PRKCQ: variants seen among roughly 807,000 people sequenced by gnomAD.
The protein encoded by PRKCQ is protein kinase C theta type.
A neutral mutation model predicts 91.2 loss-of-function variants in PRKCQ; 41 were observed. That is an observed-to-expected ratio of 0.45 (90% CI 0.35 to 0.58). The LOEUF (loss-of-function observed/expected upper bound fraction) is 0.58, where lower values mean the gene tolerates loss of function less well. Among genes scored for constraint, PRKCQ ranks in the 20% least tolerant of loss-of-function variants. PRKCQ has a pLI of 0.00. For missense variants in PRKCQ, 673 were observed against 896.5 expected, an observed-to-expected ratio of 0.75 and a Z score of 3.18; for synonymous variants, 307 against 316.9, an observed-to-expected ratio of 0.97 and a Z score of 0.33.
At chr10:6,425,811 A>C (rs2132211697), downstream of PRKCQ, among the ~76,000 whole-genome samples, 1 of 152,296 alleles carries the variant, frequency 6.6e-6, no homozygotes, top group Non-Finnish European at 1.5e-5. Flanking sequence ...ATAAAAAATA[A>C]AACAAACAAA....
At chr10:6,462,400 T>C in intron 13 of PRKCQ, 35 bp from the exon 14 acceptor site, 3 of 1,601,656 alleles carry the variant, frequency 1.9e-6, no homozygotes, top group South Asian at 1.1e-5. Flanking sequence ...AACATGAATG[T>C]TGTCATGGAA....
At chr10:6,504,838 G>C (rs370198986) in intron 4 of PRKCQ, among the ~76,000 whole-genome samples, 62 of 152,064 alleles carry the variant, frequency 4.1e-4, no homozygotes, top group African/African-American at 1.5e-3. Flanking sequence ...TAAAAATTTA[G>C]AGATGGAGTG....
At chr10:6,456,905 A>T in intron 14 of PRKCQ, 93 bp from the exon 15 acceptor site, 1 of 1,364,790 alleles carries the variant, frequency 7.3e-7, no homozygotes, top group Non-Finnish European at 1.0e-6. Flanking sequence ...GTCTCATTGC[A>T]GCCTGAGAGG....
At chr10:6,495,743 A>T (rs967412082) in intron 7 of PRKCQ, among the ~76,000 whole-genome samples, 3 of 152,214 alleles carry the variant, frequency 2.0e-5, no homozygotes, top group Admixed American at 2.0e-4. Context: ...TGGGAGAAGG[A>T]AGTCAAAAGA....
intron 15 of PRKCQ, among the ~76,000 whole-genome samples, chr10:6,452,335 G>A (rs1395819420): frequency 6.6e-6 from 1 of 152,016 alleles, no homozygotes; most frequent in African/African-American, 2.4e-5. Flanking sequence ...GCTTCAAAGA[G>A]AATAAAATAC....
chr10:6,507,267 A>T (rs903001535), intron 4 of PRKCQ, among the ~76,000 whole-genome samples, 169 bp downstream of exon 4: 5 of 152,202 alleles, frequency 3.3e-5, no homozygotes, highest in African/African-American at 1.2e-4. Flanking sequence ...CGGCCCAGAT[A>T]GTGTCTTTTA....
At chr10:6,486,237 G>C (rs1202810868) in intron 8 of PRKCQ, 93 bp from the exon 9 acceptor site, 21 of 1,061,174 alleles carry the variant, frequency 2.0e-5, no homozygotes, top group Non-Finnish European at 2.8e-5. Flanking sequence ...CTTGCGGATA[G>C]GGAGGAAAGC....
chr10:6,474,889 C>T (rs997678937), intron 12 of PRKCQ, among the ~76,000 whole-genome samples: 11 of 151,994 alleles, frequency 7.2e-5, no homozygotes, highest in African/African-American at 2.7e-4. Context: ...GGCTGGCATC[C>T]GCACTGAAGG....
At chr10:6,462,892 C>T (rs1003449812) in intron 13 of PRKCQ, among the ~76,000 whole-genome samples, 2 of 151,728 alleles carry the variant, frequency 1.3e-5, no homozygotes, top group Admixed American at 6.6e-5. Context: ...GTAGCCCCAT[C>T]TACTCAGGAA....
chr10:6,413,054 G>A, the PRKCQ span, among the ~76,000 whole-genome samples: 96 of 152,122 alleles, frequency 6.3e-4, no homozygotes, highest in African/African-American at 1.9e-3. Flanking sequence ...CTGGGTTCAC[G>A]CCATTCTCCT....
At chr10:6,410,952 A>G in the PRKCQ span, among the ~76,000 whole-genome samples, 1 of 142,284 alleles carries the variant, frequency 7.0e-6, no homozygotes, top group Admixed American at 7.5e-5. Context: ...ACTCCAGCCC[A>G]GGCGACAGAG....
chr10:6,474,251 C>T (rs1042597601), intron 12 of PRKCQ, among the ~76,000 whole-genome samples: 6 of 152,198 alleles, frequency 3.9e-5, no homozygotes. Context: ...TTGGCATCAC[C>T]CTGGGAGGCC....
At chr10:6,528,996 A>C (rs1344184629) in intron 1 of PRKCQ, among the ~76,000 whole-genome samples, 1 of 152,132 alleles carries the variant, frequency 6.6e-6, no homozygotes, top group African/African-American at 2.4e-5. Flanking sequence ...GGGTGATATA[A>C]ACAGAGATGG....
intron 1 of PRKCQ, among the ~76,000 whole-genome samples, chr10:6,579,894 G>T (rs771965767): frequency 5.5e-5 from 7 of 127,792 alleles, no homozygotes; most frequent in African/African-American, 9.3e-5. Flanking sequence ...TTCCCTCCCC[G>T]CAGGCCCCCT....
At chr10:6,483,660 CT>C in intron 10 of PRKCQ, 60 bp from the exon 11 acceptor site, 2 of 1,577,774 alleles carry the variant, frequency 1.3e-6, no homozygotes, top group Non-Finnish European at 1.7e-6. Flanking sequence ...ATTCTAGTTA[CT>C]GAGAGCACAT....
chr10:6,449,727 CT>C (rs1033182224), intron 15 of PRKCQ, among the ~76,000 whole-genome samples: 2 of 152,140 alleles, frequency 1.3e-5, no homozygotes, highest in Non-Finnish European at 2.9e-5. Flanking sequence ...AGACTAACAG[CT>C]GATCTCTCGG....
At chr10:6,467,357 C>G (rs193163860) in intron 12 of PRKCQ, among the ~76,000 whole-genome samples, 1,469 of 66,620 alleles carry the variant, frequency 0.022, 41 homozygotes, top group South Asian at 0.045. Context: ...GAGAGAGAGA[C>G]AGAGAGAGAG....
chr10:6,575,604 T>C (rs191877276), intron 1 of PRKCQ, among the ~76,000 whole-genome samples: 2 of 152,308 alleles, frequency 1.3e-5, no homozygotes, highest in Admixed American at 1.3e-4. Context: ...GAAAAAGGTG[T>C]ATATGCTCAA....
chr10:6,507,381 G>A, intron 4 of PRKCQ, 55 bp downstream of exon 4: 3 of 1,471,366 alleles, frequency 2.0e-6, no homozygotes, highest in Non-Finnish European at 2.9e-6. Context: ...AGCTGCATTT[G>A]AGGAGAAGGC....
Sources: allele counts gnomAD v4.1 joint callset (sites outside exome capture counted in the v4.1 genomes callset), GRCh38; gene constraint gnomAD v4.1.1; transcripts MANE v1.5; gene names NCBI Gene and HGNC (gene_info 2026-07-23, HGNC 2026-07-21).